The following DOCK5 variants were observed in gnomAD, a reference collection of about 807,000 sequenced individuals.
The protein encoded by DOCK5 is dedicator of cytokinesis 5, also known as dedicator of cytokinesis protein 5.
In DOCK5, 142 loss-of-function variants were observed where a neutral mutation model predicts 251.8. That is an observed-to-expected ratio of 0.56 (90% CI 0.49 to 0.65). The LOEUF is 0.65. Ranked by LOEUF, DOCK5 falls within the 30% of genes least tolerant of loss-of-function variation. The pLI, the probability that DOCK5 is intolerant of heterozygous loss-of-function variation, is 0.00. For synonymous variants in DOCK5, 842 were observed against 835.5 expected (o/e 1.01, Z -0.13); for missense variants, 2,111 against 2,312.3 (o/e 0.91, Z 1.79).
chr8:25,326,004 C>T (rs1805555526), intron 18 of DOCK5, among the ~76,000 whole-genome samples: 1 of 152,018 alleles, frequency 6.6e-6, no homozygotes, highest in East Asian at 1.9e-4. Context: ...TCTTCTTTCC[C>T]ATTTTTTTCC....
intron 47 of DOCK5, among the ~76,000 whole-genome samples, chr8:25,402,487 G>A (rs1011678134): frequency 1.3e-5 from 2 of 152,040 alleles, no homozygotes; most frequent in Admixed American, 6.6e-5. Context: ...TAGTAGAGAC[G>A]AGGTTTCACC....
intron 2 of DOCK5, among the ~76,000 whole-genome samples, chr8:25,247,044 A>T (rs756990123): frequency 4.6e-5 from 7 of 151,672 alleles, no homozygotes; most frequent in Non-Finnish European, 5.9e-5. Context: ...GTGCCACCAC[A>T]CCCAGCTAAT....
At chr8:25,385,684 C>T (rs1392586076) in intron 40 of DOCK5, among the ~76,000 whole-genome samples, 1 of 152,062 alleles carries the variant, frequency 6.6e-6, no homozygotes, top group Admixed American at 6.5e-5. Flanking sequence ...AGCTTATGTT[C>T]CAGCTTGGAG....
At position 25,308,788 on chromosome 8, in the gene DOCK5, C is replaced by G; in HGVS notation, c.1055C>G (p.Ala352Gly). 6.2e-7 allele frequency: 1 copy of G among 1,613,630 alleles called. No homozygotes were observed. The highest frequency in any genetic ancestry group is 8.5e-7 in the Non-Finnish European group (1 of 1,179,632). ...TCTTATTTCTCTTTCCCAAGAATTG[C>G]GATGGAAACCTACATCCGCCAGAGG... The part of the protein sequence containing the change: ...KQHFIPFQQI[A>G]METYIRQRQL... Residue 352 changes from alanine to glycine, a missense_variant, in exon 12 of 52, where the codon GCG (alanine) becomes GGG (glycine). By Grantham distance (60) the Ala-to-Gly change is moderately conservative. Around this residue, in one of 3 missense-constraint regions of DOCK5, gnomAD observed 1,717 missense variants for 1,892.4 expected, o/e 0.91. Coordinates refer to ENST00000276440, the MANE Select transcript of DOCK5 (RefSeq NM_024940.8).
At chr8:25,378,260 T>TGG (rs1421153230) in intron 38 of DOCK5, among the ~76,000 whole-genome samples, 1 of 152,274 alleles carries the variant, frequency 6.6e-6, no homozygotes, top group Non-Finnish European at 1.5e-5. Context: ...GGTATGATCC[T>TGG]GGGGTGGGGG....
intron 18 of DOCK5, among the ~76,000 whole-genome samples, chr8:25,328,625 A>AGTTATTCAG (rs1805617389): frequency 6.6e-6 from 1 of 152,142 alleles, no homozygotes; most frequent in African/African-American, 2.4e-5. Flanking sequence ...GCCTGAGGAG[A>AGTTATTCAG]GTTATTCAGA....
At chr8:25,332,478 G>GT (rs1448428405) in intron 19 of DOCK5, 125 bp from the exon 20 acceptor site, 2 of 1,189,638 alleles carry the variant, frequency 1.7e-6, no homozygotes, top group East Asian at 2.6e-5. Flanking sequence ...TGTTAAACAA[G>GT]TGTGCTAGTT....
At position 25,308,789 on chromosome 8, in the gene DOCK5, G is replaced by A. The variant is rs376039607; in HGVS notation, c.1056G>A (p.Ala352=). The stretch of plus-strand genomic sequence containing the variant: ...CTTATTTCTCTTTCCCAAGAATTGC[G>A]ATGGAAACCTACATCCGCCAGAGGC... ...KQHFIPFQQI[A]METYIRQRQL... is the part of the protein sequence containing the mutation. Residue 352 remains alanine (A), a synonymous_variant, in exon 12 of 52, where the codon GCG becomes GCA. Coordinates refer to ENST00000276440, the MANE Select transcript of DOCK5 (RefSeq NM_024940.8). 70 of 1,613,506 alleles carry A rather than the reference G, an allele frequency of 4.3e-5. No homozygotes were observed. Among genetic ancestry groups the A allele is most frequent in the Non-Finnish European group, 5.7e-5 (67 of 1,179,666 alleles).
At chr8:25,273,726 A>G (rs1029771634) in intron 3 of DOCK5, among the ~76,000 whole-genome samples, 13 of 152,076 alleles carry the variant, frequency 8.5e-5, no homozygotes, top group African/African-American at 2.4e-4. Flanking sequence ...CCATGGCCAA[A>G]CTCACCTGAC....
chr8:25,265,282 G>A (rs1485381376), intron 2 of DOCK5, among the ~76,000 whole-genome samples: 2 of 151,956 alleles, frequency 1.3e-5, no homozygotes, highest in African/African-American at 4.9e-5. Context: ...TCTCACGGGT[G>A]CCCAGGGTTG....
At chr8:25,213,835 A>T (rs1198043174) in intron 1 of DOCK5, among the ~76,000 whole-genome samples, 1 of 152,256 alleles carries the variant, frequency 6.6e-6, no homozygotes, top group South Asian at 2.1e-4. Flanking sequence ...GCAATAAGAG[A>T]TGGGGGAGAG....
chr8:25,403,823 G>A (rs1278899777), intron 48 of DOCK5, 99 bp downstream of exon 48: 2 of 1,283,194 alleles, frequency 1.6e-6, no homozygotes, highest in Admixed American at 2.4e-5. Context: ...ATAGCCTTTG[G>A]GTCATTCTCA....
At chr8:25,316,964 G>T in intron 13 of DOCK5, 43 bp from the exon 14 acceptor site, 1 of 1,606,604 alleles carries the variant, frequency 6.2e-7, no homozygotes, top group South Asian at 1.1e-5. Flanking sequence ...AACTTAGAAT[G>T]ACTTCTCTCA....
At chr8:25,290,720 A>G (rs1483192645) in intron 5 of DOCK5, among the ~76,000 whole-genome samples, 1 of 152,142 alleles carries the variant, frequency 6.6e-6, no homozygotes, top group Non-Finnish European at 1.5e-5. Flanking sequence ...TATTCTAGGG[A>G]CACACAAATG....
intron 6 of DOCK5, 40 bp from the exon 7 acceptor site, chr8:25,296,473 C>G: frequency 1.9e-6 from 3 of 1,587,268 alleles, no homozygotes; most frequent in Non-Finnish European, 2.6e-6. Flanking sequence ...AAAGTCTGCC[C>G]CTGGTGAGGA....
At chr8:25,384,014 G>A (rs1801115335) in intron 40 of DOCK5, among the ~76,000 whole-genome samples, 1 of 152,184 alleles carries the variant, frequency 6.6e-6, no homozygotes, top group Non-Finnish European at 1.5e-5. Flanking sequence ...CCAAAGACAG[G>A]ATCCAATCCA....
chr8:25,280,737 G>A (rs1230380530), intron 5 of DOCK5, among the ~76,000 whole-genome samples: 3 of 152,182 alleles, frequency 2.0e-5, no homozygotes, highest in Non-Finnish European at 4.4e-5. Flanking sequence ...TGCACATTAA[G>A]TTGCTAAATC....
chr8:25,307,414 T>G (rs557055370), intron 11 of DOCK5, among the ~76,000 whole-genome samples: 1 of 152,134 alleles, frequency 6.6e-6, no homozygotes. Flanking sequence ...CCATCATGCC[T>G]GGCCAGCTCC....
At chr8:25,340,847 T>G in intron 22 of DOCK5, 30 bp from the exon 23 acceptor site, 1 of 1,582,124 alleles carries the variant, frequency 6.3e-7, no homozygotes, top group Non-Finnish European at 8.7e-7. Context: ...CAATGGAAAG[T>G]CCAACTGCTT....
Sources: gnomAD v4.1 joint callset for allele counts (sites outside exome capture counted in the v4.1 genomes callset) on GRCh38, gnomAD v4.1.1 for gene constraint, gnomAD v4.1.1 regional missense constraint, MANE v1.5 for transcripts, NCBI Gene and HGNC (gene_info 2026-07-23, HGNC 2026-07-21) for gene names.